Variants in JAZF1 observed in about 807,000 individuals in gnomAD.
JAZF1 encodes the protein JAZF zinc finger 1.
Under a neutral mutation model 26.4 loss-of-function variants are expected in JAZF1, and 8 were observed. The ratio of observed to expected loss-of-function variants is 0.30; its 90% CI spans 0.18 to 0.55. The LOEUF (loss-of-function observed/expected upper bound fraction) is 0.55, where lower values mean the gene tolerates loss of function less well. Ranked by LOEUF, JAZF1 falls within the 20% of genes least tolerant of loss-of-function variation. JAZF1 has a pLI of 0.94. For missense variants in JAZF1, 199 were observed against 322.0 expected, an observed-to-expected ratio of 0.62 and a Z score of 2.92; for synonymous variants, 126 against 122.3, an observed-to-expected ratio of 1.03 and a Z score of -0.20.
intron 1 of JAZF1, among the ~76,000 whole-genome samples, chr7:28,173,355 A>C (rs1007859745): frequency 1.3e-5 from 2 of 152,216 alleles, no homozygotes; most frequent in African/African-American, 2.4e-5. Flanking sequence ...ATCCATGGTG[A>C]TCTTGAAAGA....
intron 1 of JAZF1, among the ~76,000 whole-genome samples, chr7:28,094,948 A>T (rs922972098): frequency 1.3e-5 from 2 of 152,044 alleles, no homozygotes; most frequent in African/African-American, 4.8e-5. Flanking sequence ...GAGTCCCAAC[A>T]AGAAAGAAGC....
intron 2 of JAZF1, among the ~76,000 whole-genome samples, chr7:27,957,725 T>C (rs1478502850): frequency 6.6e-6 from 1 of 152,242 alleles, no homozygotes; most frequent in Non-Finnish European, 1.5e-5. Context: ...AGTCTGTTTC[T>C]GAGGATTTAA....
chr7:27,873,691 T>C (rs1164779301), intron 3 of JAZF1, among the ~76,000 whole-genome samples: 3 of 152,222 alleles, frequency 2.0e-5, no homozygotes, highest in Admixed American at 6.5e-5. Context: ...TTGAGTCTCC[T>C]AGGAGCTTTA....
intron 2 of JAZF1, among the ~76,000 whole-genome samples, chr7:27,940,679 T>C (rs1436816775): frequency 6.6e-6 from 1 of 152,162 alleles, no homozygotes; most frequent in Admixed American, 6.5e-5. Context: ...GGCCTGGGTC[T>C]TGGGTCTCCG....
chr7:28,164,198 C>T (rs1266060338), intron 1 of JAZF1, among the ~76,000 whole-genome samples: 1 of 152,196 alleles, frequency 6.6e-6, no homozygotes, highest in Non-Finnish European at 1.5e-5. Flanking sequence ...CCAGCTGAAC[C>T]CAGCCTCAAT....
At chr7:28,040,823 G>A (rs773365019) in intron 1 of JAZF1, among the ~76,000 whole-genome samples, 4 of 152,182 alleles carry the variant, frequency 2.6e-5, no homozygotes, top group East Asian at 1.9e-4. Flanking sequence ...CTGCAGCGAC[G>A]TAAGGTAGAA....
chr7:27,832,688 T>G lies in JAZF1; in HGVS notation c.*112A>C. Reference sequence around the variant, plus strand: ...TTACAGAAAAAATTTAAAGCATGCATTTAATTCTTTTTCTTTAAAGGGTTG... The same window carrying G: ...TTACAGAAAAAATTTAAAGCATGCAGTTAATTCTTTTTCTTTAAAGGGTTG... On this transcript the variant is annotated 3_prime_UTR_variant, in exon 5 of 5. Coordinates refer to ENST00000283928, the MANE Select transcript of JAZF1 (RefSeq NM_175061.4). The G allele has an allele frequency of 3.5e-6, 3 of 852,066 alleles. No individual in the cohort carries two copies. Among genetic ancestry groups the G allele is most frequent in the Non-Finnish European group, 5.3e-6 (3 of 567,646 alleles). The allele number at this position is 852,066 out of a possible 1,614,324, so 52.8% of individuals were successfully genotyped here. A position where few individuals can be genotyped will look rare whatever the true frequency, so the allele number is the denominator to read the frequency against.
intron 1 of JAZF1, among the ~76,000 whole-genome samples, chr7:28,032,869 A>G (rs753728989): frequency 6.6e-6 from 1 of 152,080 alleles, no homozygotes; most frequent in Non-Finnish European, 1.5e-5. Context: ...CCGCATCCAC[A>G]TGCTCTACCA....
intron 3 of JAZF1, among the ~76,000 whole-genome samples, chr7:27,868,267 C>T (rs1400983312): frequency 3.3e-5 from 5 of 152,186 alleles, no homozygotes. Flanking sequence ...AGTGACAGAA[C>T]TCCAGGAGCA....
At chr7:28,151,856 T>TA (rs1325332049) in intron 1 of JAZF1, among the ~76,000 whole-genome samples, 1 of 152,208 alleles carries the variant, frequency 6.6e-6, no homozygotes, top group South Asian at 2.1e-4. Context: ...CTAATGTTTT[T>TA]AAAAAACCTG....
At chr7:28,048,647 A>T (rs1783536685) in intron 1 of JAZF1, among the ~76,000 whole-genome samples, 1 of 152,196 alleles carries the variant, frequency 6.6e-6, no homozygotes, top group African/African-American at 2.4e-5. Context: ...CATTTTCATT[A>T]TGATTTCTTC....
At position 28,012,540 on chromosome 7, in the gene JAZF1, C is replaced by T. The variant is rs370586162; in HGVS notation, c.116-20559G>A. Among the ~76,000 whole-genome samples, 20 of 152,324 alleles carry T rather than the reference C, an allele frequency of 1.3e-4. No individual in the cohort carries two copies. The East Asian group carries it at 2.1e-3, about 16-fold the overall frequency. On this transcript the variant is annotated intron_variant, in intron 1 of 4. Coordinates refer to ENST00000283928, the MANE Select transcript of JAZF1 (RefSeq NM_175061.4). ...TTGATAGGTCAGCCAATTAAGGCCACTGAAGGGTGTGGGCTGCACCCCTGG... is the reference window on the plus strand; with the variant it reads ...TTGATAGGTCAGCCAATTAAGGCCATTGAAGGGTGTGGGCTGCACCCCTGG...
chr7:28,166,952 AT>A (rs1783377938), intron 1 of JAZF1, among the ~76,000 whole-genome samples: 1 of 152,204 alleles, frequency 6.6e-6, no homozygotes, highest in East Asian at 1.9e-4. Flanking sequence ...CTCCCATCAT[AT>A]TATGGAAATA....
chr7:27,857,220 C>T (rs1000901481), intron 3 of JAZF1, among the ~76,000 whole-genome samples: 15 of 152,318 alleles, frequency 9.8e-5, no homozygotes, highest in South Asian at 2.1e-4. Context: ...AGCTAAGGCC[C>T]GGTGAGAAGT....
Position 27,883,719 on chromosome 7 carries a change from T to C in JAZF1, c.385+11501A>G, listed in dbSNP as rs186748831. ...AAAACACTTTGGGTATTGGAAGACG[T>C]AGGTGCTGTAAGTTCTATCAGAAAC... On this transcript the variant is annotated intron_variant, in intron 3 of 4. Coordinates refer to ENST00000283928, the MANE Select transcript of JAZF1 (RefSeq NM_175061.4). Among the ~76,000 whole-genome samples, 234 of 152,336 alleles carry C rather than the reference T, an allele frequency of 1.5e-3. 1 individual carries two copies. The highest frequency in any genetic ancestry group is 5.3e-3 in the African/African-American group (219 of 41,566).
chr7:27,957,183 C>T (rs1785110579), intron 2 of JAZF1, among the ~76,000 whole-genome samples: 1 of 152,194 alleles, frequency 6.6e-6, no homozygotes, highest in Admixed American at 6.5e-5. Context: ...CCTCCTGTGA[C>T]CTTCAGGAAC....
intron 2 of JAZF1, among the ~76,000 whole-genome samples, chr7:27,963,407 T>C (rs943677990): frequency 2.0e-5 from 3 of 152,212 alleles, no homozygotes; most frequent in African/African-American, 7.2e-5. Context: ...AAATTCAAAA[T>C]TGCCATGCTT....
At chr7:28,085,141 G>C (rs1784194624) in intron 1 of JAZF1, among the ~76,000 whole-genome samples, 1 of 152,192 alleles carries the variant, frequency 6.6e-6, no homozygotes, top group Non-Finnish European at 1.5e-5. Context: ...GTCTTGCCAA[G>C]GTGGCTCAGT....
At chr7:28,019,747 T>C (rs1410205606) in intron 1 of JAZF1, among the ~76,000 whole-genome samples, 1 of 152,182 alleles carries the variant, frequency 6.6e-6, no homozygotes, top group African/African-American at 2.4e-5. Flanking sequence ...CTGAAACTCC[T>C]GAATGGATTC....
Sources: gnomAD v4.1 joint callset for allele counts (sites outside exome capture counted in the v4.1 genomes callset) on GRCh38, gnomAD v4.1.1 for gene constraint, MANE v1.5 for transcripts, NCBI Gene and HGNC (gene_info 2026-07-23, HGNC 2026-07-21) for gene names.